The following MINPP1 variants were observed in gnomAD, a reference collection of about 807,000 sequenced individuals.
The protein encoded by MINPP1 is multiple inositol-polyphosphate phosphatase 1, also known as multiple inositol polyphosphate phosphatase 1.
In MINPP1, 28 loss-of-function variants were observed where a neutral mutation model predicts 46.1. The ratio of observed to expected loss-of-function variants is 0.61; its 90% confidence interval spans 0.45 to 0.83. MINPP1 has a LOEUF of 0.83. Among genes scored for constraint, MINPP1 ranks in the 40% least tolerant of loss-of-function variants. The pLI is 0.00. For missense variants in MINPP1, 603 were observed against 610.0 expected, an observed-to-expected ratio of 0.99 and a Z score of 0.12; for synonymous variants, 268 against 249.1, an observed-to-expected ratio of 1.08 and a Z score of -0.72.
chr10:87,527,981 T>C (rs1378426969), intron 4 of MINPP1, among the ~76,000 whole-genome samples: 1 of 152,242 alleles, frequency 6.6e-6, no homozygotes, highest in Non-Finnish European at 1.5e-5. Flanking sequence ...CTAGATTTTC[T>C]AGTTTGTTTG....
At chr10:87,532,107 C>T (rs1053852906) in intron 4 of MINPP1, among the ~76,000 whole-genome samples, 1 of 152,206 alleles carries the variant, frequency 6.6e-6, no homozygotes, top group Non-Finnish European at 1.5e-5. Context: ...CCCTCTACCA[C>T]CCCTGCCCCC....
intron 4 of MINPP1, among the ~76,000 whole-genome samples, chr10:87,539,795 C>T (rs957756874): frequency 5.3e-5 from 8 of 152,162 alleles, no homozygotes; most frequent in African/African-American, 1.9e-4. Flanking sequence ...AAGTTAAGAA[C>T]CACAGATGCA....
At chr10:87,528,659 G>A (rs1323449354) in intron 4 of MINPP1, among the ~76,000 whole-genome samples, 6 of 149,644 alleles carry the variant, frequency 4.0e-5, no homozygotes, top group South Asian at 2.1e-4. Flanking sequence ...TAAGTGTGAT[G>A]TGGTGCTGAG....
chr10:87,528,157 C>A (rs1009835770), intron 4 of MINPP1, among the ~76,000 whole-genome samples: 16 of 152,016 alleles, frequency 1.1e-4, no homozygotes, highest in African/African-American at 3.6e-4. Context: ...CAAAAACCCA[C>A]CTCCTAGATT....
intron 4 of MINPP1, among the ~76,000 whole-genome samples, chr10:87,541,884 C>T (rs759052525): frequency 1.3e-4 from 20 of 152,192 alleles, no homozygotes; most frequent in Admixed American, 7.9e-4. Flanking sequence ...CCCCATGTCC[C>T]AGTCTCTTCC....
chr10:87,531,032 G>A (rs767418281), intron 4 of MINPP1, among the ~76,000 whole-genome samples: 1 of 152,202 alleles, frequency 6.6e-6, no homozygotes, highest in Non-Finnish European at 1.5e-5. Flanking sequence ...CTGGTGTGCC[G>A]TTTGCTAAGA....
chr10:87,506,024 T>C (rs565777764), intron 1 of MINPP1, among the ~76,000 whole-genome samples: 41 of 151,826 alleles, frequency 2.7e-4, no homozygotes, highest in African/African-American at 6.0e-4. Context: ...TTCTTTCTTT[T>C]TTTTTTTTTT....
At chr10:87,510,441 G>A (rs1463716970) in intron 2 of MINPP1, among the ~76,000 whole-genome samples, 1 of 152,156 alleles carries the variant, frequency 6.6e-6, no homozygotes, top group African/African-American at 2.4e-5. Context: ...ACCCATCATC[G>A]AATTTTACTG....
In MINPP1 at chr10:87,552,144, T is replaced by G; in HGVS notation, c.1130T>G (p.Leu377Arg). The change falls in exon 5 of 5, where the codon CTG (leucine) becomes CGG (arginine). Residue 377 changes from leucine to arginine, a missense_variant. Transcript: ENST00000371996. ...GGTCATGCAGAGACTCTTCTTCCACTGCTTTCTCTCATGGGCTACTTCAAA... is the reference window on the plus strand; with the variant it reads ...GGTCATGCAGAGACTCTTCTTCCACGGCTTTCTCTCATGGGCTACTTCAAA... The part of the protein sequence containing the change: ...QFGHAETLLP[L>R]LSLMGYFKDK... 6.2e-7 allele frequency: 1 copy of G among 1,613,762 alleles called. No homozygotes were observed. Among genetic ancestry groups the G allele is most frequent in the Non-Finnish European group, 8.5e-7 (1 of 1,179,780 alleles).
rs545242489 is a variant in MINPP1, at chr10:87,508,455, A to G, written c.757A>G (p.Lys253Glu). 8 of 1,613,828 alleles carry G rather than the reference A, an allele frequency of 5.0e-6. No homozygotes were observed. Among genetic ancestry groups the G allele is most frequent in the South Asian group, 1.1e-5 (1 of 91,070 alleles). ...AGCTCTTTATCACGTGGAAGCCTTC[A>G]AAACTGGACCAGAAATGCAGAACAT... ...ATALYHVEAF[K>E]TGPEMQNILK... The change falls in exon 2 of 5, where the codon AAA becomes GAA. Residue 253 changes from lysine (K) to glutamate (E), a missense_variant. Transcript: ENST00000371996.
rs1306097443 is a variant in MINPP1 at position 87,553,349 on chromosome 10, G to A, written c.*871G>A. 2 of 151,952 alleles carry A rather than the reference G, an allele frequency of 1.3e-5. No homozygotes were observed. The highest frequency in any genetic ancestry group is 4.8e-5 in the African/African-American group (2 of 41,360). 9.4% of individuals were successfully genotyped at this position (151,952 alleles called of 1,614,324 possible). A position where few individuals can be genotyped will look rare whatever the true frequency, so the allele number is the denominator to read the frequency against. On this transcript the variant is annotated 3_prime_UTR_variant, in exon 5 of 5. Coordinates refer to ENST00000371996, the MANE Select transcript of MINPP1 (RefSeq NM_004897.5). ...AGTTCTGAGTTCTGTCAAATGCCGTGAAAGTATTTGCTATAATAAAGAAAA... is the reference window on the plus strand; with the variant it reads ...AGTTCTGAGTTCTGTCAAATGCCGTAAAAGTATTTGCTATAATAAAGAAAA...
At chr10:87,520,869 G>T (rs549378694) in intron 3 of MINPP1, among the ~76,000 whole-genome samples, 167 bp from the exon 4 acceptor site, 1 of 152,036 alleles carries the variant, frequency 6.6e-6, no homozygotes, top group Non-Finnish European at 1.5e-5. Context: ...TCTCTCTGTG[G>T]TATGAACCTT....
intron 3 of MINPP1, among the ~76,000 whole-genome samples, chr10:87,515,801 G>A (rs1026665550): frequency 7.1e-6 from 1 of 141,338 alleles, no homozygotes. Context: ...TTTTTTATGT[G>A]TTTAAAGTTC....
chr10:87,541,269 G>T (rs1398050607), intron 4 of MINPP1, among the ~76,000 whole-genome samples: 11 of 152,124 alleles, frequency 7.2e-5, no homozygotes, highest in Non-Finnish European at 1.6e-4. Flanking sequence ...ACCCGAGTTT[G>T]ATATTTTGCC....
intron 4 of MINPP1, among the ~76,000 whole-genome samples, chr10:87,528,515 G>A (rs1488120259): frequency 3.9e-5 from 6 of 152,238 alleles, no homozygotes; most frequent in East Asian, 1.9e-4. Flanking sequence ...GTAGTTGAGC[G>A]GTTTTGAGTG....
rs535569835 is a variant in MINPP1, at chr10:87,543,972, G to A, written c.1068-8110G>A. Among the ~76,000 whole-genome samples the A allele has an allele frequency of 3.3e-5, 5 of 152,312 alleles. No homozygotes were observed. In the South Asian group the frequency reaches 1.0e-3, roughly 32 times the overall value. On this transcript the variant is annotated intron_variant, in intron 4 of 4. Transcript: ENST00000371996. ...CTTCTGTGACCCAGTGTTGGGGGATGGGGGTTCCCCACCAATAAGCAGCAG... is the reference window on the plus strand; with the variant it reads ...CTTCTGTGACCCAGTGTTGGGGGATAGGGGTTCCCCACCAATAAGCAGCAG...
chr10:87,530,146 C>T (rs944901241), intron 4 of MINPP1, among the ~76,000 whole-genome samples: 1 of 152,108 alleles, frequency 6.6e-6, no homozygotes. Context: ...GTGATGGGTT[C>T]GAACATCCTC....
intron 2 of MINPP1, chr10:87,509,750 AC>A: frequency 3.0e-6 from 1 of 327,948 alleles, no homozygotes; most frequent in Non-Finnish European, 6.2e-6. Context: ...CAAAGTTTAT[AC>A]CAGTCCAAAA....
intron 2 of MINPP1, 100 bp downstream of exon 2, chr10:87,508,633 A>G: frequency 1.8e-6 from 2 of 1,117,406 alleles, no homozygotes; most frequent in South Asian, 2.7e-5. Context: ...AAGACCCATA[A>G]TTGATCTACA....
Sources: allele counts gnomAD v4.1 joint callset (sites outside exome capture counted in the v4.1 genomes callset), GRCh38; gene constraint gnomAD v4.1.1; transcripts MANE v1.5; gene names NCBI Gene and HGNC (gene_info 2026-07-23, HGNC 2026-07-21).